The following SDK2 variants were observed in gnomAD, a reference collection of about 807,000 sequenced individuals.
The protein encoded by SDK2 is sidekick cell adhesion molecule 2.
SDK2 carries 105 observed loss-of-function variants against 253.9 expected under a neutral mutation model. The ratio of observed to expected loss-of-function variants is 0.41; its 90% CI spans 0.35 to 0.49. The LOEUF (loss-of-function observed/expected upper bound fraction) is 0.49. Ranked by LOEUF, SDK2 falls within the 20% of genes least tolerant of loss-of-function variation. SDK2 has a pLI of 0.06. For missense variants in SDK2, 2,608 were observed against 3,003.0 expected (o/e 0.87, Z 3.07); for synonymous variants, 1,249 against 1,234.9 (o/e 1.01, Z -0.24).
chr17:73,507,790 A>G (rs2063947913), intron 1 of SDK2, among the ~76,000 whole-genome samples, 193 bp from the exon 2 acceptor site: 1 of 152,132 alleles, frequency 6.6e-6, no homozygotes, highest in African/African-American at 2.4e-5. Flanking sequence ...GGAGTCACCG[A>G]CATCTGCCAA....
At chr17:73,459,730 C>T (rs1045705039) in intron 3 of SDK2, among the ~76,000 whole-genome samples, 6 of 151,356 alleles carry the variant, frequency 4.0e-5, no homozygotes, top group South Asian at 2.1e-4. Flanking sequence ...GACACAGTCT[C>T]GCTATGTTGC....
rs1686188218 is a variant in SDK2 at position 73,609,118 on chromosome 17, G to C, written c.64+34907C>G. Among the ~76,000 whole-genome samples, 1 of 152,194 alleles carries C rather than the reference G, an allele frequency of 6.6e-6. No homozygotes were observed. Among genetic ancestry groups the C allele is most frequent in the African/African-American group, 2.4e-5 (1 of 41,446 alleles). ...AAGGCCGCTGGAGGAAAGCCTTTTTGGGGAAGATCAGGAGTTTGCAAGACC... is the reference window on the plus strand; with the variant it reads ...AAGGCCGCTGGAGGAAAGCCTTTTTCGGGAAGATCAGGAGTTTGCAAGACC... On this transcript the variant is annotated intron_variant, in intron 1 of 44. Coordinates refer to ENST00000392650, the MANE Select transcript of SDK2 (RefSeq NM_001144952.2). This position sits in a 1 kb window ranked among gnomAD's most constrained non-coding sequence, Gnocchi z 4.4.
intron 1 of SDK2, among the ~76,000 whole-genome samples, chr17:73,582,351 C>A (rs942719366): frequency 6.6e-6 from 1 of 151,770 alleles, no homozygotes; most frequent in Non-Finnish European, 1.5e-5. Context: ...GGGGTGCACA[C>A]CATGCAGGCA....
chr17:73,522,652 T>A (rs2064091502), intron 1 of SDK2, among the ~76,000 whole-genome samples: 1 of 152,160 alleles, frequency 6.6e-6, no homozygotes, highest in Admixed American at 6.5e-5. Context: ...GGTCAGCAGC[T>A]CCCCTTGCTT....
At chr17:73,517,489 C>T (rs2064038550) in intron 1 of SDK2, 1 of 152,188 alleles carries the variant, frequency 6.6e-6, no homozygotes, top group South Asian at 2.1e-4. Flanking sequence ...GACGCATCTA[C>T]CAGCCAGGGA....
In SDK2 at chr17:73,639,296, C is replaced by T. The variant is rs992499304; in HGVS notation, c.64+4729G>A. Among the ~76,000 whole-genome samples the T allele has an allele frequency of 6.6e-6, 1 of 152,110 alleles. No homozygotes were observed. The highest frequency in any genetic ancestry group is 2.4e-5 in the African/African-American group (1 of 41,432). Reference sequence around the variant, plus strand: ...TCAGCAAGAGGCTTTTTGGTCCAGGCACCAGGCCCAGGGAGTCTGAGGGGA... The same window carrying T: ...TCAGCAAGAGGCTTTTTGGTCCAGGTACCAGGCCCAGGGAGTCTGAGGGGA... On this transcript the variant is annotated intron_variant, in intron 1 of 44. Coordinates refer to ENST00000392650, the MANE Select transcript of SDK2 (RefSeq NM_001144952.2). This position sits in a 1 kb window ranked among gnomAD's most constrained non-coding sequence, Gnocchi z 4.3.
chr17:73,362,838 G>C (rs1362897141), intron 38 of SDK2, among the ~76,000 whole-genome samples: 2 of 152,330 alleles, frequency 1.3e-5, no homozygotes, highest in East Asian at 3.9e-4. Flanking sequence ...GCCTCCCTGG[G>C]AGCCGGGGTT....
intron 12 of SDK2, among the ~76,000 whole-genome samples, chr17:73,425,431 A>G (rs1026210457): frequency 1.3e-5 from 2 of 152,244 alleles, no homozygotes; most frequent in South Asian, 4.1e-4. Context: ...GCACTGCTGC[A>G]TTCAGGAGTC....
intron 1 of SDK2, among the ~76,000 whole-genome samples, chr17:73,568,496 A>G (rs961032019): frequency 6.6e-6 from 1 of 152,220 alleles, no homozygotes; most frequent in African/African-American, 2.4e-5. Flanking sequence ...TTTATTGGAT[A>G]GATTTAACAG....
At chr17:73,527,137 G>A (rs1054539775) in intron 1 of SDK2, among the ~76,000 whole-genome samples, 1 of 152,174 alleles carries the variant, frequency 6.6e-6, no homozygotes, top group African/African-American at 2.4e-5. Flanking sequence ...GAGGATTGGC[G>A]GGGCAGTCAG....
At chr17:73,369,526 GT>G (rs776624040) in intron 36 of SDK2, among the ~76,000 whole-genome samples, 6 of 152,240 alleles carry the variant, frequency 3.9e-5, no homozygotes, top group Non-Finnish European at 5.9e-5. Context: ...TTAAGGACAC[GT>G]ACTTCCTGGG....
intron 43 of SDK2, 47 bp downstream of exon 43, chr17:73,350,190 T>TGGGCAGTGCTGGGCCTGGCCCCCCACCC (rs2062522454): frequency 1.2e-5 from 2 of 163,696 alleles, no homozygotes; most frequent in East Asian, 1.7e-4. Context: ...TCTCCCCACC[T>TGGGCAGTGCTGGGCCTGGCCCCCCACCC]GGGCACTGCT....
rs371190241 is a variant in SDK2 at position 73,395,922 on chromosome 17, CTTTTT to C, written c.3355-535_3355-531del. Reference sequence around the variant, plus strand: ...GCATTTTCAGCCTCCTTTTTCTTTTCTTTTTTTTTTTTAAGACAGGGTCTGGCTCT... The same window carrying C: ...GCATTTTCAGCCTCCTTTTTCTTTTCTTTTTTTAAGACAGGGTCTGGCTCT... On this transcript the variant is annotated intron_variant, in intron 24 of 44. Transcript: ENST00000392650. This position sits in a 1 kb window ranked among gnomAD's most constrained non-coding sequence, Gnocchi z 4.3. 1.4e-5 allele frequency among the ~76,000 whole-genome samples: 2 copies of C among 144,446 alleles called. No individual in the cohort carries two copies. Among genetic ancestry groups the C allele is most frequent in the Admixed American group, 6.9e-5 (1 of 14,540 alleles). 94.8% of individuals were successfully genotyped at this position (144,446 alleles called of 152,430 possible).
chr17:73,614,730 GGGGA>G (rs1253285835), intron 1 of SDK2, among the ~76,000 whole-genome samples: 18 of 100,694 alleles, frequency 1.8e-4, no homozygotes, highest in African/African-American at 3.2e-4. Context: ...GATTGAAAAG[GGGGA>G]GGGAGGGAGG....
At chr17:73,418,143 G>T (rs1019210310) in intron 16 of SDK2, among the ~76,000 whole-genome samples, 12 of 151,816 alleles carry the variant, frequency 7.9e-5, no homozygotes, top group African/African-American at 2.4e-4. Context: ...GAGTAGCTGG[G>T]ACTACGGGTG....
chr17:73,348,040 ACCCAGGACAT>A (rs1443083975), intron 44 of SDK2, among the ~76,000 whole-genome samples: 1 of 152,200 alleles, frequency 6.6e-6, no homozygotes, highest in Non-Finnish European at 1.5e-5. Flanking sequence ...TACTTGGCAC[ACCCAGGACAT>A]CCCAGGTCAC....
chr17:73,508,243 CT>C (rs928252332), intron 1 of SDK2, among the ~76,000 whole-genome samples: 15 of 152,276 alleles, frequency 9.9e-5, no homozygotes, highest in African/African-American at 3.6e-4. Context: ...CTGCTTCCCC[CT>C]CTCTGCAGTC....
Position 73,631,980 on chromosome 17 carries a change from G to C in SDK2, c.64+12045C>G, listed in dbSNP as rs118180798. On this transcript the variant is annotated intron_variant, in intron 1 of 44. Transcript: ENST00000392650. ...AAGAGGGGGAGGTGGGAGGGTCCAA[G>C]ACAGCTCCTCTAATGGTTTGGAGCA... Among the ~76,000 whole-genome samples, 363 of 152,318 alleles carry C rather than the reference G, an allele frequency of 2.4e-3. 2 individuals are homozygous for C. Among genetic ancestry groups the C allele is most frequent in the Non-Finnish European group, 4.2e-3 (288 of 68,032 alleles).
At chr17:73,402,177 G>C in intron 18 of SDK2, 36 bp from the exon 19 acceptor site, 1 of 1,596,052 alleles carries the variant, frequency 6.3e-7, no homozygotes, top group Non-Finnish European at 8.6e-7. Flanking sequence ...AGGGCAGCAG[G>C]AAGGTTCCAG....
Sources: gnomAD v4.1 joint callset for allele counts (sites outside exome capture counted in the v4.1 genomes callset) on GRCh38, gnomAD v4.1.1 for gene constraint, Gnocchi (gnomAD v3.1) non-coding constraint, MANE v1.5 for transcripts, NCBI Gene and HGNC (gene_info 2026-07-23, HGNC 2026-07-21) for gene names.